The following GPC6 variants were observed in gnomAD, a reference collection of about 807,000 sequenced individuals.
The protein encoded by GPC6 is glypican-6.
Under a neutral mutation model 55.2 loss-of-function variants are expected in GPC6, and 14 were observed. The ratio of observed to expected loss-of-function variants is 0.25; its 90% confidence interval spans 0.17 to 0.40. The LOEUF (loss-of-function observed/expected upper bound fraction) is 0.40, where lower values mean the gene tolerates loss of function less well. Among genes scored for constraint, GPC6 ranks in the 10% least tolerant of loss-of-function variants. The pLI, the probability that GPC6 is intolerant of heterozygous loss-of-function variation, is 1.00. For synonymous variants in GPC6, 278 were observed against 259.6 expected (o/e 1.07, Z -0.68); for missense variants, 641 against 708.5 (o/e 0.90, Z 1.08).
At chr13:93,322,009 C>T (rs1418942388) in intron 1 of GPC6, among the ~76,000 whole-genome samples, 1 of 152,110 alleles carries the variant, frequency 6.6e-6, no homozygotes, top group East Asian at 1.9e-4. Flanking sequence ...CAATCCATTG[C>T]AGATTGGTTC....
At chr13:93,325,206 C>T (rs908460097) in intron 1 of GPC6, among the ~76,000 whole-genome samples, 9 of 152,072 alleles carry the variant, frequency 5.9e-5, no homozygotes, top group South Asian at 2.1e-4. Context: ...CCCCACATAA[C>T]CCCCCACAAT....
intron 3 of GPC6, among the ~76,000 whole-genome samples, chr13:93,864,989 C>T (rs1203504478): frequency 3.3e-5 from 5 of 151,588 alleles, no homozygotes; most frequent in African/African-American, 1.2e-4. Context: ...GAAATAGGTT[C>T]ATTTGTTTAT....
At chr13:93,918,896 A>G (rs961990456) in intron 3 of GPC6, among the ~76,000 whole-genome samples, 26 of 152,190 alleles carry the variant, frequency 1.7e-4, no homozygotes, top group Admixed American at 1.1e-3. Context: ...ATCCTGAAGT[A>G]TACACACTCA....
intron 1 of GPC6, among the ~76,000 whole-genome samples, chr13:93,416,340 A>G (rs1044265076): frequency 3.3e-5 from 5 of 152,112 alleles, no homozygotes; most frequent in Admixed American, 6.6e-5. Context: ...GTAAACACTT[A>G]TGTTGTCTAA....
At chr13:93,331,875 C>T (rs534547447) in intron 1 of GPC6, among the ~76,000 whole-genome samples, 22 of 152,188 alleles carry the variant, frequency 1.4e-4, no homozygotes, top group African/African-American at 4.3e-4. Context: ...CCTCTACTCT[C>T]CCCAACCTCT....
chr13:93,508,680 G>A (rs909741308), intron 1 of GPC6, among the ~76,000 whole-genome samples: 1 of 152,154 alleles, frequency 6.6e-6, no homozygotes, highest in Non-Finnish European at 1.5e-5. Context: ...GCAGACGGAT[G>A]GTGAATTCAT....
intron 3 of GPC6, among the ~76,000 whole-genome samples, chr13:93,843,497 C>A (rs371866867): frequency 1.5e-4 from 23 of 152,222 alleles, no homozygotes; most frequent in African/African-American, 5.5e-4. Context: ...ATGAACAATA[C>A]CTTCCATTGG....
chr13:93,469,029 G>A (rs1255784916), intron 1 of GPC6, among the ~76,000 whole-genome samples: 1 of 152,076 alleles, frequency 6.6e-6, no homozygotes, highest in Non-Finnish European at 1.5e-5. Flanking sequence ...GTGTAATTAA[G>A]ATCATTCCTA....
intron 4 of GPC6, among the ~76,000 whole-genome samples, chr13:94,143,777 A>C (rs889308846): frequency 6.6e-5 from 10 of 152,292 alleles, no homozygotes; most frequent in African/African-American, 2.2e-4. Context: ...GCTACCTGGG[A>C]GGCTAAGATG....
Position 94,367,368 on chromosome 13 carries a change from A to C in GPC6, c.1153-15046A>C, listed in dbSNP as rs146210948. Among the ~76,000 whole-genome samples, 301 of 152,326 alleles carry C rather than the reference A, an allele frequency of 2.0e-3. 1 individual carries two copies. The highest frequency in any genetic ancestry group is 6.8e-3 in the African/African-American group (282 of 41,572). On this transcript the variant is annotated intron_variant, in intron 6 of 8. Coordinates refer to ENST00000377047, the MANE Select transcript of GPC6 (RefSeq NM_005708.5). ...TTCACTATTGAATTCAATAGATATT[A>C]GTTCAATGTCAGACTGTGTCATCTC...
At chr13:93,728,601 G>C (rs1594406483) in intron 2 of GPC6, among the ~76,000 whole-genome samples, 2 of 150,802 alleles carry the variant, frequency 1.3e-5, no homozygotes, top group East Asian at 4.0e-4. Context: ...GAGTCTCACT[G>C]TGTTGCCCAG....
intron 2 of GPC6, among the ~76,000 whole-genome samples, chr13:93,624,387 A>G (rs754964580): frequency 6.6e-6 from 1 of 152,214 alleles, no homozygotes; most frequent in African/African-American, 2.4e-5. Context: ...CTGCAGTGCT[A>G]TTGAAGAACA....
intron 4 of GPC6, among the ~76,000 whole-genome samples, chr13:94,029,477 T>A (rs1883029761): frequency 6.6e-6 from 1 of 152,218 alleles, no homozygotes; most frequent in Non-Finnish European, 1.5e-5. Flanking sequence ...AAGATTTGGA[T>A]TTTTTAGCAA....
chr13:94,020,415 A>G (rs1882652347), intron 3 of GPC6, among the ~76,000 whole-genome samples: 1 of 152,206 alleles, frequency 6.6e-6, no homozygotes, highest in African/African-American at 2.4e-5. Flanking sequence ...ACTGAAATTT[A>G]TCAGTCTCTT....
chr13:93,762,398 C>T (rs913865917), intron 2 of GPC6, among the ~76,000 whole-genome samples: 11 of 152,140 alleles, frequency 7.2e-5, no homozygotes, highest in East Asian at 1.9e-4. Context: ...AGGAATCCCT[C>T]GGTCAGAGTT....
At chr13:93,881,885 C>A (rs894228861) in intron 3 of GPC6, among the ~76,000 whole-genome samples, 4 of 152,016 alleles carry the variant, frequency 2.6e-5, no homozygotes, top group Non-Finnish European at 4.4e-5. Context: ...ATTTGTTCAA[C>A]CCTAGGACAC....
intron 1 of GPC6, among the ~76,000 whole-genome samples, chr13:93,285,843 A>G (rs565432206): frequency 1.3e-5 from 2 of 152,300 alleles, no homozygotes; most frequent in South Asian, 4.1e-4. Flanking sequence ...AGATATTCTT[A>G]TATAGAAGTT....
At chr13:94,003,867 G>A (rs986920299) in intron 3 of GPC6, among the ~76,000 whole-genome samples, 2 of 152,154 alleles carry the variant, frequency 1.3e-5, no homozygotes, top group Non-Finnish European at 2.9e-5. Context: ...TTTGAAATTG[G>A]AAAGAAGGTT....
intron 6 of GPC6, among the ~76,000 whole-genome samples, chr13:94,349,305 A>G (rs1878424538): frequency 6.6e-6 from 1 of 152,206 alleles, no homozygotes; most frequent in South Asian, 2.1e-4. Flanking sequence ...CCACTGTCCT[A>G]GAAATGTGGC....
Sources: allele counts gnomAD v4.1 joint callset (sites outside exome capture counted in the v4.1 genomes callset), GRCh38; gene constraint gnomAD v4.1.1; transcripts MANE v1.5; gene names NCBI Gene and HGNC (gene_info 2026-07-23, HGNC 2026-07-21).